TGFBRAP1: variants seen among roughly 807,000 people sequenced by gnomAD.
The protein encoded by TGFBRAP1 is transforming growth factor-beta receptor-associated protein 1.
TGFBRAP1 carries 20 observed loss-of-function variants against 83.2 expected under a neutral mutation model. That is an observed-to-expected ratio of 0.24 (90% CI 0.17 to 0.35). The LOEUF (loss-of-function observed/expected upper bound fraction) is 0.35, where lower values mean the gene tolerates loss of function less well. TGFBRAP1 is among the 10% of genes least tolerant of loss of function. The pLI, the probability that TGFBRAP1 is intolerant of heterozygous loss-of-function variation, is 1.00. For missense variants in TGFBRAP1, 950 were observed against 1,099.4 expected (o/e 0.86, Z 1.92); for synonymous variants, 415 against 459.8 (o/e 0.90, Z 1.25).
intron 8 of TGFBRAP1, among the ~76,000 whole-genome samples, chr2:105,273,971 A>G (rs756003991): frequency 1.3e-5 from 2 of 152,218 alleles, no homozygotes; most frequent in South Asian, 2.1e-4. Flanking sequence ...TCCTCCTCAC[A>G]CACCCCATGC....
intron 2 of TGFBRAP1, among the ~76,000 whole-genome samples, chr2:105,301,215 C>G (rs1678278534): frequency 6.6e-6 from 1 of 151,874 alleles, no homozygotes. Flanking sequence ...GAGAAATACC[C>G]TGTCTCAAAA....
At chr2:105,329,390 CCCA>C (rs752859860) in intron 1 of TGFBRAP1, among the ~76,000 whole-genome samples, 20 of 152,032 alleles carry the variant, frequency 1.3e-4, no homozygotes, top group Non-Finnish European at 2.5e-4. Flanking sequence ...CTAGCCGGCC[CCCA>C]CAAGGGACAG....
chr2:105,298,610 C>A lies in TGFBRAP1; in HGVS notation c.784G>T (p.Ala262Ser), dbSNP rs6724198. 1.5e-4 allele frequency: 242 copies of A among 1,614,032 alleles called. No homozygotes were observed. The highest frequency in any genetic ancestry group is 1.9e-4 in the Non-Finnish European group (225 of 1,180,018). The change falls in exon 3 of 12, where the codon GCG (alanine) becomes TCG (serine). Residue 262 changes from alanine (A) to serine (S), a missense_variant. Physicochemically the swap from Ala to Ser is moderately conservative, Grantham distance 99. Transcript: ENST00000393359. ...GAAVSFPYVI[A>S]LDDEFITVHS... ...ACTGTGATGAATTCGTCATCGAGCG[C>A]TATGACGTATGGAAAGGACACAGCC...
chr2:105,267,334 A>G lies in TGFBRAP1; in HGVS notation c.*49T>C. ...TGGTCATCTGCTCTTCATGTCCAGC[A>G]GGCTCAGAAAGAACTCGGAGTTCCC... is the stretch of plus-strand genomic sequence containing the variant. On this transcript the variant is annotated 3_prime_UTR_variant, in exon 12 of 12. Coordinates refer to ENST00000393359, the MANE Select transcript of TGFBRAP1 (RefSeq NM_004257.6). 1 of 1,603,998 alleles carries G rather than the reference A, an allele frequency of 6.2e-7. No homozygotes were observed. Among genetic ancestry groups the G allele is most frequent in the Non-Finnish European group, 8.5e-7 (1 of 1,174,018 alleles).
In TGFBRAP1 at chr2:105,266,204, A is replaced by G. The variant is rs1676926902; in HGVS notation, c.*1179T>C. The G allele has an allele frequency of 6.6e-6, 1 of 152,224 alleles. No homozygotes were observed. The highest frequency in any genetic ancestry group is 1.5e-5 in the Non-Finnish European group (1 of 68,048). 9.4% of individuals were successfully genotyped at this position (152,224 alleles called of 1,614,324 possible). A position where few individuals can be genotyped will look rare whatever the true frequency, so the allele number is the denominator to read the frequency against. ...TCAGGACACCTCAGAGCAGGCACAT[A>G]AAGTGCTGGAGGGTGACACAGCCTG... On this transcript the variant is annotated 3_prime_UTR_variant, in exon 12 of 12. Transcript: ENST00000393359.
intron 1 of TGFBRAP1, among the ~76,000 whole-genome samples, chr2:105,315,479 C>T (rs555515755): frequency 2.0e-5 from 3 of 152,148 alleles, no homozygotes; most frequent in Non-Finnish European, 4.4e-5. Flanking sequence ...ATCTGGCAAA[C>T]GACTCATATC....
Position 105,265,462 on chromosome 2 carries a change from C to T in TGFBRAP1, c.*1921G>A, listed in dbSNP as rs939966028. 3 of 152,540 alleles carry T rather than the reference C, an allele frequency of 2.0e-5. No individual in the cohort carries two copies. The highest frequency in any genetic ancestry group is 6.6e-5 in the Admixed American group (1 of 15,264). 9.4% of individuals were successfully genotyped at this position (152,540 alleles called of 1,614,324 possible). ...CCAGCCTGGGTGACAGAGTGAGACT[C>T]TGTCTGTGTGTTAGGAATGAGAAAT... On this transcript the variant is annotated 3_prime_UTR_variant, in exon 12 of 12. Transcript: ENST00000393359.
chr2:105,314,624 G>C (rs1382853348), intron 1 of TGFBRAP1, among the ~76,000 whole-genome samples: 1 of 151,948 alleles, frequency 6.6e-6, no homozygotes, highest in Admixed American at 6.6e-5. Flanking sequence ...AGGAGTCTTT[G>C]CCAGTACCAT....
At chr2:105,251,571 C>A in the TGFBRAP1 span, among the ~76,000 whole-genome samples, 947 of 148,536 alleles carry the variant, frequency 6.4e-3, 11 homozygotes, top group African/African-American at 0.022. Context: ...AGGTGAGGGG[C>A]GCCTCTGCCC....
At chr2:105,251,582 GGCC>G in the TGFBRAP1 span, among the ~76,000 whole-genome samples, 62 of 150,288 alleles carry the variant, frequency 4.1e-4, 1 homozygote, top group Middle Eastern at 3.5e-3. Context: ...GCCTCTGCCC[GGCC>G]GCCCCTACTG....
At chr2:105,303,519 C>G (rs1182327772) in intron 2 of TGFBRAP1, among the ~76,000 whole-genome samples, 1 of 152,214 alleles carries the variant, frequency 6.6e-6, no homozygotes. Context: ...CCTGAATAAA[C>G]TCCCACCAGG....
intron 6 of TGFBRAP1, among the ~76,000 whole-genome samples, chr2:105,278,202 A>G (rs1355938016): frequency 2.6e-5 from 4 of 152,160 alleles, no homozygotes. Flanking sequence ...ATCAACTTCC[A>G]AAAAGAATCT....
At chr2:105,304,960 C>T (rs908730828) in intron 2 of TGFBRAP1, among the ~76,000 whole-genome samples, 4 of 152,172 alleles carry the variant, frequency 2.6e-5, no homozygotes, top group African/African-American at 9.6e-5. Flanking sequence ...ACAGGTGGAG[C>T]ACAAAGGACT....
the TGFBRAP1 span, among the ~76,000 whole-genome samples, chr2:105,258,630 G>C: frequency 3.9e-5 from 6 of 151,990 alleles, no homozygotes; most frequent in Non-Finnish European, 7.4e-5. Context: ...TCCAGAAGCT[G>C]ATGGCAGAAC....
intron 1 of TGFBRAP1, among the ~76,000 whole-genome samples, chr2:105,327,779 G>A (rs938327119): frequency 2.6e-5 from 4 of 152,178 alleles, no homozygotes; most frequent in African/African-American, 9.7e-5. Context: ...TGCCTCCAAT[G>A]CTATGACAAG....
At chr2:105,312,647 C>T (rs1362244187) in intron 1 of TGFBRAP1, among the ~76,000 whole-genome samples, 2 of 152,158 alleles carry the variant, frequency 1.3e-5, no homozygotes, top group South Asian at 2.1e-4. Flanking sequence ...GTAATTATTT[C>T]CTACCAGGTT....
At position 105,308,012 on chromosome 2, in the gene TGFBRAP1, T is replaced by C; in HGVS notation, c.290A>G (p.Asn97Ser). Residue 97 changes from asparagine (N) to serine (S), a missense_variant, in exon 2 of 12, where the codon AAC (asparagine) becomes AGC (serine). Coordinates refer to ENST00000393359, the MANE Select transcript of TGFBRAP1 (RefSeq NM_004257.6). The part of the protein sequence containing the change: ...ALNRLLVLCD[N>S]SISLVNMLNL... ...CAGCATGTTGACCAGGCTGATGGAG[T>C]TGTCACACAGCACCAGCAGCCTGTT... 6.2e-7 allele frequency: 1 copy of C among 1,613,860 alleles called. No individual in the cohort carries two copies. Among genetic ancestry groups the C allele is most frequent in the Non-Finnish European group, 8.5e-7 (1 of 1,179,970 alleles).
chr2:105,307,357 G>A (rs1033919100), intron 2 of TGFBRAP1, among the ~76,000 whole-genome samples: 3 of 152,038 alleles, frequency 2.0e-5, no homozygotes, highest in Non-Finnish European at 2.9e-5. Context: ...CCCACTTCCC[G>A]GTAACACCAC....
chr2:105,323,938 G>T (rs1052106687), intron 1 of TGFBRAP1, among the ~76,000 whole-genome samples: 1 of 152,138 alleles, frequency 6.6e-6, no homozygotes, highest in Non-Finnish European at 1.5e-5. Context: ...GAGGAGTTTA[G>T]ATAAATCCAA....
Sources: allele counts gnomAD v4.1 joint callset (sites outside exome capture counted in the v4.1 genomes callset), GRCh38; gene constraint gnomAD v4.1.1; transcripts MANE v1.5; gene names NCBI Gene and HGNC (gene_info 2026-07-23, HGNC 2026-07-21).